Variants in NR6A1 observed in about 807,000 individuals in gnomAD.
NR6A1 encodes retinoic acid receptor-related testis-associated receptor.
In NR6A1, 7 loss-of-function variants were observed where a neutral mutation model predicts 59.1. That is an observed-to-expected ratio of 0.12 (90% confidence interval 0.07 to 0.22). NR6A1 has a LOEUF of 0.22. Ranked by LOEUF, NR6A1 falls within the 10% of genes least tolerant of loss-of-function variation. The pLI is 1.00. For synonymous variants in NR6A1, 243 were observed against 236.1 expected, an observed-to-expected ratio of 1.03 and a Z score of -0.27; for missense variants, 468 against 611.6, an observed-to-expected ratio of 0.77 and a Z score of 2.48.
chr9:124,572,718 G>T (rs1834473736), intron 2 of NR6A1, among the ~76,000 whole-genome samples: 1 of 152,116 alleles, frequency 6.6e-6, no homozygotes, highest in Non-Finnish European at 1.5e-5. Context: ...GGCAAAACAG[G>T]CAAGGTGAAT....
At chr9:124,719,459 G>C (rs910445851) in intron 2 of NR6A1, among the ~76,000 whole-genome samples, 1 of 152,084 alleles carries the variant, frequency 6.6e-6, no homozygotes, top group Non-Finnish European at 1.5e-5. Flanking sequence ...ATAGGTATCA[G>C]ATTACATTTT....
chr9:124,719,113 G>A (rs958246382), intron 2 of NR6A1, among the ~76,000 whole-genome samples: 1 of 149,004 alleles, frequency 6.7e-6, no homozygotes, highest in African/African-American at 2.5e-5. Context: ...GTGGCGGGGA[G>A]GGTGGAGACA....
intron 2 of NR6A1, among the ~76,000 whole-genome samples, chr9:124,661,166 A>C (rs1669392519): frequency 6.6e-6 from 1 of 152,206 alleles, no homozygotes; most frequent in Admixed American, 6.5e-5. Context: ...CCAAGAATTT[A>C]TTCTGGAATA....
intron 2 of NR6A1, chr9:124,595,927 G>C (rs1835258738): frequency 1.4e-6 from 1 of 721,318 alleles, no homozygotes; most frequent in African/African-American, 1.8e-5. Context: ...AGCTGGTCAT[G>C]TGATTGCAAA....
At chr9:124,678,931 A>C (rs1838041217) in intron 2 of NR6A1, among the ~76,000 whole-genome samples, 1 of 152,156 alleles carries the variant, frequency 6.6e-6, no homozygotes, top group African/African-American at 2.4e-5. Flanking sequence ...TAGGAAGAAA[A>C]GCAGCTGGCC....
Position 124,771,254 on chromosome 9 carries a change from C to G in NR6A1, c.-135G>C, listed in dbSNP as rs940212368. ...TCCCGGCCGCGGCTCTCTCTGGGCCCCGAGCCGCCCGGCTCCGCGCCGCTC... is the reference window on the plus strand; with the variant it reads ...TCCCGGCCGCGGCTCTCTCTGGGCCGCGAGCCGCCCGGCTCCGCGCCGCTC... On this transcript the variant is annotated 5_prime_UTR_variant, in exon 1 of 10. Transcript: ENST00000487099. The G allele has an allele frequency of 4.6e-6, 2 of 438,606 alleles. No individual in the cohort carries two copies. Among genetic ancestry groups the G allele is most frequent in the South Asian group, 2.3e-4 (2 of 8,702 alleles). 27.2% of individuals were successfully genotyped at this position (438,606 alleles called of 1,614,324 possible).
intron 2 of NR6A1, among the ~76,000 whole-genome samples, chr9:124,590,153 A>T (rs1835074132): frequency 6.6e-6 from 1 of 151,892 alleles, no homozygotes; most frequent in Non-Finnish European, 1.5e-5. Context: ...TAGAAAGGAA[A>T]ACATTTCGCT....
intron 2 of NR6A1, among the ~76,000 whole-genome samples, chr9:124,597,027 AC>A (rs1835291761): frequency 6.6e-6 from 1 of 152,078 alleles, no homozygotes; most frequent in Non-Finnish European, 1.5e-5. Context: ...GAAAAAGGAG[AC>A]CCTTCTTGGA....
intron 2 of NR6A1, among the ~76,000 whole-genome samples, chr9:124,638,562 T>C (rs1836684100): frequency 6.6e-6 from 1 of 152,184 alleles, no homozygotes. Context: ...CAAAATTCAC[T>C]AGTGCAATGC....
chr9:124,645,500 A>G (rs73581898), intron 2 of NR6A1, among the ~76,000 whole-genome samples: 2,764 of 152,342 alleles, frequency 0.018, 77 homozygotes, highest in African/African-American at 0.062. Flanking sequence ...CAGCTATGCT[A>G]ATTTCAGACA....
At chr9:124,769,765 G>A (rs1414337538) in intron 1 of NR6A1, among the ~76,000 whole-genome samples, 1 of 152,206 alleles carries the variant, frequency 6.6e-6, no homozygotes, top group Admixed American at 6.5e-5. Flanking sequence ...AATAAATCGG[G>A]TTTGCCGCCG....
intron 2 of NR6A1, among the ~76,000 whole-genome samples, chr9:124,587,915 T>G (rs2131479208): frequency 6.6e-6 from 1 of 152,314 alleles, no homozygotes; most frequent in Non-Finnish European, 1.5e-5. Context: ...TAGCCTAGGT[T>G]GGAGTGCAAT....
intron 1 of NR6A1, among the ~76,000 whole-genome samples, chr9:124,765,652 G>C (rs565762695): frequency 6.6e-6 from 1 of 152,080 alleles, no homozygotes. Context: ...CCCAGCAGCC[G>C]GCTGAGGAAA....
chr9:124,730,555 CTTTTTTTT>C (rs56330244), intron 2 of NR6A1, among the ~76,000 whole-genome samples: 1 of 123,142 alleles, frequency 8.1e-6, no homozygotes, highest in Non-Finnish European at 1.7e-5. Flanking sequence ...ATTTTTTAGT[CTTTTTTTT>C]TTTTTTTTTT....
At chr9:124,530,822 G>A (rs1201971508) in intron 7 of NR6A1, among the ~76,000 whole-genome samples, 1 of 152,184 alleles carries the variant, frequency 6.6e-6, no homozygotes, top group East Asian at 1.9e-4. Flanking sequence ...AATGCTCTGG[G>A]AAAATAAGAA....
At chr9:124,656,963 T>C (rs1469092790) in intron 2 of NR6A1, among the ~76,000 whole-genome samples, 3 of 151,138 alleles carry the variant, frequency 2.0e-5, no homozygotes, top group Non-Finnish European at 3.0e-5. Context: ...AGGAGAAGAG[T>C]TCTGTGGTGG....
At chr9:124,716,751 C>A (rs541512606) in intron 2 of NR6A1, among the ~76,000 whole-genome samples, 90 of 152,184 alleles carry the variant, frequency 5.9e-4, no homozygotes, top group Non-Finnish European at 1.0e-3. Context: ...TGTGCCACAG[C>A]CTCCTGAGTA....
chr9:124,655,797 T>C (rs1175213423), intron 2 of NR6A1, among the ~76,000 whole-genome samples: 1 of 152,230 alleles, frequency 6.6e-6, no homozygotes, highest in African/African-American at 2.4e-5. Context: ...GCTTCTGAGA[T>C]GGGTCAGAAC....
At chr9:124,656,299 C>A (rs1318346983) in intron 2 of NR6A1, among the ~76,000 whole-genome samples, 1 of 152,116 alleles carries the variant, frequency 6.6e-6, no homozygotes, top group Non-Finnish European at 1.5e-5. Context: ...GCCAAATAAA[C>A]CTCTTTTCTT....
Sources: allele counts gnomAD v4.1 joint callset (sites outside exome capture counted in the v4.1 genomes callset), GRCh38; gene constraint gnomAD v4.1.1; transcripts MANE v1.5; gene names NCBI Gene and HGNC (gene_info 2026-07-23, HGNC 2026-07-21).